PRDM10: variants seen among roughly 807,000 people sequenced by gnomAD.
PRDM10 encodes the protein PR/SET domain 10.
PRDM10 carries 65 observed loss-of-function variants against 133.1 expected under a neutral mutation model. The observed-to-expected ratio is 0.49, with a 90% CI of 0.40 to 0.60. The LOEUF is 0.60. Ranked by LOEUF, PRDM10 falls within the 20% of genes least tolerant of loss-of-function variation. PRDM10 has a pLI of 0.00. For synonymous variants in PRDM10, 582 were observed against 580.4 expected, an observed-to-expected ratio of 1.00 and a Z score of -0.04; for missense variants, 1,137 against 1,507.1, an observed-to-expected ratio of 0.75 and a Z score of 4.07.
intron 1 of PRDM10, among the ~76,000 whole-genome samples, chr11:129,997,229 A>G (rs577831976): frequency 2.0e-5 from 3 of 152,362 alleles, no homozygotes; most frequent in African/African-American, 7.2e-5. Flanking sequence ...CTGTAATCCC[A>G]GCACTTTGGG....
intron 1 of PRDM10, among the ~76,000 whole-genome samples, chr11:129,986,583 T>C (rs527326882): frequency 6.6e-6 from 1 of 152,238 alleles, no homozygotes; most frequent in Non-Finnish European, 1.5e-5. Flanking sequence ...GAAACGGGAT[T>C]TTGCCATGTT....
At chr11:129,949,440 A>T (rs186357045) in intron 4 of PRDM10, among the ~76,000 whole-genome samples, 3 of 152,366 alleles carry the variant, frequency 2.0e-5, no homozygotes, top group Admixed American at 1.3e-4. Context: ...ATGATATCAT[A>T]TACTTCCTCC....
chr11:129,937,870 C>A (rs531068241), intron 7 of PRDM10, among the ~76,000 whole-genome samples, 200 bp from the exon 8 acceptor site: 1 of 152,372 alleles, frequency 6.6e-6, no homozygotes, highest in East Asian at 1.9e-4. Context: ...CCAAGACGCA[C>A]TGCCTGTTTT....
intron 1 of PRDM10, among the ~76,000 whole-genome samples, chr11:129,961,601 C>T (rs539681741): frequency 4.6e-5 from 7 of 151,948 alleles, no homozygotes; most frequent in Non-Finnish European, 8.8e-5. Flanking sequence ...CCACCACACC[C>T]GGCCAATCCC....
At chr11:129,915,176 C>T (rs975986941) in intron 16 of PRDM10, among the ~76,000 whole-genome samples, 158 bp from the exon 17 acceptor site, 4 of 152,124 alleles carry the variant, frequency 2.6e-5, no homozygotes, top group Non-Finnish European at 5.9e-5. Context: ...CCTGGGGTAA[C>T]ATAATGCTAT....
chr11:129,924,666 A>G (rs1300970589), intron 12 of PRDM10, among the ~76,000 whole-genome samples: 2 of 152,238 alleles, frequency 1.3e-5, no homozygotes, highest in African/African-American at 4.8e-5. Context: ...CTTGTAACTT[A>G]AACACTTCAA....
At chr11:129,930,462 G>C (rs191447148) in intron 11 of PRDM10, among the ~76,000 whole-genome samples, 2 of 152,182 alleles carry the variant, frequency 1.3e-5, no homozygotes, top group Non-Finnish European at 2.9e-5. Context: ...CACAGGTCCC[G>C]TGACTCAGAC....
rs1300292474 is a variant in PRDM10, at chr11:129,912,079, G to A, written c.2982+6C>T. ...ACACCTCCAAATAGTCTGTGGAGCA[G>A]GGTACCTGGGCGGAGGACGGGGCCG... On this transcript the variant is annotated splice_donor_region_variant and intron_variant, in intron 18 of 20. Coordinates refer to ENST00000360871, the MANE Select transcript of PRDM10 (RefSeq NM_199437.2). 1.3e-6 allele frequency: 2 copies of A among 1,599,484 alleles called. No homozygotes were observed. Among genetic ancestry groups the A allele is most frequent in the African/African-American group, 2.7e-5 (2 of 74,380 alleles).
At chr11:129,959,695 G>T (rs554770400) in intron 2 of PRDM10, among the ~76,000 whole-genome samples, 1 of 152,272 alleles carries the variant, frequency 6.6e-6, no homozygotes, top group South Asian at 2.1e-4. Context: ...ACCTCAAAAT[G>T]ATTTCCAGGA....
chr11:130,000,349 TTA>T (rs962728541), intron 1 of PRDM10, among the ~76,000 whole-genome samples: 1 of 152,284 alleles, frequency 6.6e-6, no homozygotes, highest in East Asian at 1.9e-4. Flanking sequence ...GGCTTAAATT[TTA>T]TGTTTTCTCC....
Position 129,917,161 on chromosome 11 carries a change from G to A in PRDM10, c.2291C>T (p.Pro764Leu). 2 of 1,613,210 alleles carry A rather than the reference G, an allele frequency of 1.2e-6. No individual in the cohort carries two copies. The highest frequency in any genetic ancestry group is 1.7e-6 in the Non-Finnish European group (2 of 1,179,236). ...ATACTGACAAAAGTAATCACGATTG[G>A]GTTTTATGATGGGTAGAGTTAACTC... ...VPELTLPIIK[P>L]NRDYFCQYCD... The change falls in exon 15 of 21, where the codon CCC becomes CTC. Residue 764 changes from proline to leucine, a missense_variant. Coordinates refer to ENST00000360871, the MANE Select transcript of PRDM10 (RefSeq NM_199437.2).
rs116002683 is a variant in PRDM10 at position 129,944,828 on chromosome 11, G to T, written c.705C>A (p.Pro235=). ...RRIPKRTQFG[P]VEGPLVRGSE... is the part of the protein sequence containing the mutation. ...AGCCCCTGACGAGAGGCCCCTCCAC[G>T]GGGCCAAACTGGGTGCGCTTGGGGA... Residue 235 remains proline (P), a synonymous_variant, in exon 6 of 21, where the codon CCC becomes CCA. Transcript: ENST00000360871. The T allele has an allele frequency of 1.2e-6, 2 of 1,614,062 alleles. No individual in the cohort carries two copies. Among genetic ancestry groups the T allele is most frequent in the Non-Finnish European group, 8.5e-7 (1 of 1,180,018 alleles).
rs138407751 is a variant in PRDM10 at position 129,915,775 on chromosome 11, C to T, written c.2411G>A (p.Arg804Gln). The T allele has an allele frequency of 3.1e-5, 50 of 1,614,020 alleles. No individual in the cohort carries two copies. Among genetic ancestry groups the T allele is most frequent in the African/African-American group, 1.9e-4 (14 of 74,926 alleles). The part of the protein sequence containing the change: ...AELPPSIRKL[R>Q]PAGPGEPDPM... ...GTCTGGCTCTCCAGGACCAGCGGGT[C>T]GGAGCTTCCGAATGCTCGGTGGGAG... is the stretch of plus-strand genomic sequence containing the variant. The change falls in exon 16 of 21, where the codon CGA becomes CAA. Residue 804 changes from arginine to glutamine, a missense_variant. Arg to Gln is a conservative substitution (Grantham distance 43). Around this residue, in one of 6 missense-constraint regions of PRDM10, gnomAD observed 65 missense variants for 151.1 expected, o/e 0.43. Transcript: ENST00000360871.
intron 1 of PRDM10, among the ~76,000 whole-genome samples, chr11:129,995,932 C>A (rs904802376): frequency 2.0e-5 from 3 of 150,818 alleles, no homozygotes; most frequent in Non-Finnish European, 4.4e-5. Flanking sequence ...GGCAACAGAG[C>A]GGGACTCTGT....
intron 11 of PRDM10, chr11:129,929,341 G>T (rs374888246): frequency 1.3e-4 from 193 of 1,470,312 alleles, no homozygotes; most frequent in Non-Finnish European, 1.7e-4. Context: ...GTAAGTACAG[G>T]TTGCAAAGAA....
chr11:129,934,998 T>C, intron 9 of PRDM10, 103 bp downstream of exon 9: 2 of 949,050 alleles, frequency 2.1e-6, no homozygotes, highest in Non-Finnish European at 3.3e-6. Context: ...TGGTTACCTA[T>C]CTATACATGA....
rs759224375 is a variant in PRDM10 at position 129,918,572 on chromosome 11, C to T, written c.2181G>A (p.Leu727=). The T allele has an allele frequency of 1.9e-6, 3 of 1,614,158 alleles. No individual in the cohort carries two copies. The highest frequency in any genetic ancestry group is 1.7e-5 in the Admixed American group (1 of 60,010). The change falls in exon 14 of 21, where the codon CTG becomes CTA. Residue 727 remains leucine (L), a synonymous_variant. Transcript: ENST00000360871. The surrounding 1 kb of genome is among the most constrained non-coding windows in gnomAD (Gnocchi z 5.3). ...CGCGCCGCCGGAAGCCCATCATGCA[C>T]AGGCGGCACTTGAACGTGAAGCTGT... ...DYDSFTFKCR[L]CMMGFRRRGM...
chr11:129,924,043 T>C (rs1033772334), intron 12 of PRDM10, among the ~76,000 whole-genome samples: 1 of 152,256 alleles, frequency 6.6e-6, no homozygotes, highest in Non-Finnish European at 1.5e-5. Context: ...TGAACTCTCT[T>C]AGCCACACAT....
In PRDM10 at chr11:129,915,723, C is replaced by T. The variant is rs543922275; in HGVS notation, c.2463G>A (p.Leu821=). The change falls in exon 16 of 21, where the codon CTG becomes CTA. Residue 821 remains leucine, a synonymous_variant. Transcript: ENST00000360871. ...PDPMLSTHTQ[L]TGTIATPPVC... ...CGGGAGGGGTGGCGATGGTGCCCGT[C>T]AGCTGGGTGTGTGTGCTCAGCATGG... The T allele has an allele frequency of 5.6e-6, 9 of 1,614,068 alleles. No individual in the cohort carries two copies. The highest frequency in any genetic ancestry group is 2.2e-5 in the East Asian group (1 of 44,864).
Sources: allele counts gnomAD v4.1 joint callset (sites outside exome capture counted in the v4.1 genomes callset), GRCh38; gene constraint gnomAD v4.1.1; regional missense constraint gnomAD v4.1.1; non-coding constraint Gnocchi (gnomAD v3.1); transcripts MANE v1.5; gene names NCBI Gene and HGNC (gene_info 2026-07-23, HGNC 2026-07-21).